The following FSTL4 variants were observed in gnomAD, a reference collection of about 807,000 sequenced individuals.
FSTL4 encodes follistatin-related protein 4.
A neutral mutation model predicts 78.2 loss-of-function variants in FSTL4; 28 were observed. The observed-to-expected ratio is 0.36, with a 90% CI of 0.27 to 0.49. The LOEUF is 0.49. Ranked by LOEUF, FSTL4 falls within the 20% of genes least tolerant of loss-of-function variation. The pLI, the probability that FSTL4 is intolerant of heterozygous loss-of-function variation, is 0.98. For missense variants in FSTL4, 922 were observed against 1,084.9 expected (o/e 0.85, Z 2.11); for synonymous variants, 422 against 440.5 (o/e 0.96, Z 0.53).
At chr5:133,491,946 C>G (rs1414469756) in intron 3 of FSTL4, among the ~76,000 whole-genome samples, 1 of 152,062 alleles carries the variant, frequency 6.6e-6, no homozygotes, top group Admixed American at 6.5e-5. Context: ...TATATTATTA[C>G]CACTTATGAT....
At chr5:133,499,381 C>CACAG (rs1331980450) in intron 3 of FSTL4, among the ~76,000 whole-genome samples, 1 of 141,170 alleles carries the variant, frequency 7.1e-6, no homozygotes, top group Non-Finnish European at 1.5e-5. Context: ...CACACACACA[C>CACAG]ACACACACAC....
chr5:133,784,468 T>C, the FSTL4 span, among the ~76,000 whole-genome samples: 1 of 152,174 alleles, frequency 6.6e-6, no homozygotes, highest in Non-Finnish European at 1.5e-5. Context: ...GTCAGAGAAT[T>C]CATGTTATAA....
chr5:133,702,343 G>T, the FSTL4 span, among the ~76,000 whole-genome samples: 1 of 152,176 alleles, frequency 6.6e-6, no homozygotes, highest in Non-Finnish European at 1.5e-5. Flanking sequence ...GAAGGCTATG[G>T]CTCCTCGGCC....
In FSTL4 at chr5:133,199,033, C is replaced by T. The variant is rs1750227887; in HGVS notation, c.*62G>A. ...TCTGTAAAAATGTACAGCGTACCTGCTTGAGGCTGCAGTGTCAGGACTAGG... is the reference window on the plus strand; with the variant it reads ...TCTGTAAAAATGTACAGCGTACCTGTTTGAGGCTGCAGTGTCAGGACTAGG... On this transcript the variant is annotated 3_prime_UTR_variant, in exon 16 of 16. Coordinates refer to ENST00000265342, the MANE Select transcript of FSTL4 (RefSeq NM_015082.2). This position sits in a 1 kb window ranked among gnomAD's most constrained non-coding sequence, Gnocchi z 4.4. The T allele has an allele frequency of 9.5e-7, 1 of 1,056,358 alleles. No individual in the cohort carries two copies. The highest frequency in any genetic ancestry group is 1.4e-6 in the Non-Finnish European group (1 of 732,168). The allele number at this position is 1,056,358 out of a possible 1,614,324, so 65.4% of individuals were successfully genotyped here. A position where few individuals can be genotyped will look rare whatever the true frequency, so the allele number is the denominator to read the frequency against.
At chr5:133,649,343 G>A in the FSTL4 span, among the ~76,000 whole-genome samples, 2 of 152,172 alleles carry the variant, frequency 1.3e-5, no homozygotes, top group Admixed American at 6.6e-5. Flanking sequence ...AGGTTCTTGT[G>A]TATAGAGTTT....
intron 3 of FSTL4, among the ~76,000 whole-genome samples, chr5:133,546,691 C>T (rs1346682370): frequency 6.6e-6 from 1 of 152,086 alleles, no homozygotes; most frequent in Admixed American, 6.6e-5. Context: ...CATACACCCA[C>T]AGGCATAGGA....
the FSTL4 span, among the ~76,000 whole-genome samples, chr5:133,681,433 G>A: frequency 3.9e-5 from 6 of 152,198 alleles, no homozygotes; most frequent in Non-Finnish European, 8.8e-5. Flanking sequence ...GCTACCAGAC[G>A]GACTTGGCTG....
chr5:133,499,369 TACACACACACACAC>T (rs57363602), intron 3 of FSTL4, among the ~76,000 whole-genome samples: 2,505 of 126,784 alleles, frequency 0.02, 62 homozygotes, highest in African/African-American at 0.068. Flanking sequence ...ACAAGGGGAA[TACACACACACACAC>T]ACACACACAC....
At chr5:133,477,553 G>C (rs1342028537) in intron 3 of FSTL4, among the ~76,000 whole-genome samples, 1 of 152,166 alleles carries the variant, frequency 6.6e-6, no homozygotes, top group Non-Finnish European at 1.5e-5. Context: ...CATGTGGCTT[G>C]CCCAAGGCCA....
chr5:133,633,505 CT>C, the FSTL4 span, among the ~76,000 whole-genome samples: 1 of 152,056 alleles, frequency 6.6e-6, no homozygotes, highest in Non-Finnish European at 1.5e-5. Flanking sequence ...GAGACTTTCT[CT>C]TTTTTTCATT....
the FSTL4 span, among the ~76,000 whole-genome samples, chr5:133,663,155 C>T: frequency 1.3e-5 from 2 of 151,104 alleles, no homozygotes; most frequent in Non-Finnish European, 3.0e-5. Flanking sequence ...TCTGTAATTG[C>T]GGTGATGGTT....
intron 3 of FSTL4, among the ~76,000 whole-genome samples, chr5:133,429,245 T>G (rs1756887781): frequency 6.6e-6 from 1 of 152,108 alleles, no homozygotes; most frequent in African/African-American, 2.4e-5. Flanking sequence ...CATCTTTAAT[T>G]CAAATGAGCC....
At chr5:133,412,028 G>A (rs985381566) in intron 3 of FSTL4, among the ~76,000 whole-genome samples, 34 of 152,024 alleles carry the variant, frequency 2.2e-4, no homozygotes, top group African/African-American at 8.2e-4. Context: ...TATAAAAAAT[G>A]GCTGTAAAAC....
chr5:133,516,289 T>C (rs1758851039), intron 3 of FSTL4, among the ~76,000 whole-genome samples: 1 of 152,140 alleles, frequency 6.6e-6, no homozygotes, highest in South Asian at 2.1e-4. Flanking sequence ...TCATATTTTC[T>C]GGAAAAAAAT....
chr5:133,771,166 A>T, the FSTL4 span, among the ~76,000 whole-genome samples: 80 of 152,150 alleles, frequency 5.3e-4, no homozygotes, highest in Non-Finnish European at 1.1e-3. Context: ...TGTTGCCTTC[A>T]GCTTTGTTCT....
At chr5:133,321,282 C>G (rs578217753) in intron 4 of FSTL4, among the ~76,000 whole-genome samples, 1 of 152,208 alleles carries the variant, frequency 6.6e-6, no homozygotes, top group Non-Finnish European at 1.5e-5. Context: ...TCATCTTGGC[C>G]TCTGCTTAAA....
At chr5:133,212,255 G>T (rs1346662491) in intron 13 of FSTL4, among the ~76,000 whole-genome samples, 1 of 152,182 alleles carries the variant, frequency 6.6e-6, no homozygotes, top group Non-Finnish European at 1.5e-5. Context: ...TCTCCTTTCT[G>T]CTTAACCTTC....
At chr5:133,407,820 C>A (rs532604731) in intron 3 of FSTL4, among the ~76,000 whole-genome samples, 1 of 152,314 alleles carries the variant, frequency 6.6e-6, no homozygotes, top group East Asian at 1.9e-4. Context: ...GCATACTTTT[C>A]AAAAACTTAA....
rs562488292 is a variant in FSTL4 at position 133,204,996 on chromosome 5, ACT to A, written c.1717-2956_1717-2955del. 6.2e-3 allele frequency among the ~76,000 whole-genome samples: 925 copies of A among 149,204 alleles called. 10 individuals are homozygous for A. Among genetic ancestry groups the A allele is most frequent in the Non-Finnish European group, 0.01 (692 of 66,332 alleles). ...GGTAGGTTTATTCAAATGATTTCAT[ACT>A]TTTTTTTTGTGATAATGCATATCCT... On this transcript the variant is annotated intron_variant, in intron 14 of 15. Transcript: ENST00000265342.
Sources: gnomAD v4.1 joint callset for allele counts (sites outside exome capture counted in the v4.1 genomes callset) on GRCh38, gnomAD v4.1.1 for gene constraint, Gnocchi (gnomAD v3.1) non-coding constraint, MANE v1.5 for transcripts, NCBI Gene and HGNC (gene_info 2026-07-23, HGNC 2026-07-21) for gene names.